Variants in RNPEP observed in about 807,000 individuals in gnomAD.
The protein encoded by RNPEP is arginyl aminopeptidase, also known as aminopeptidase B.
In RNPEP, 57 loss-of-function variants were observed where a neutral mutation model predicts 70.1. That is an observed-to-expected ratio of 0.81 (90% CI 0.66 to 1.01). RNPEP has a LOEUF of 1.01. Among genes scored for constraint, RNPEP ranks in the 50% least tolerant of loss-of-function variants. RNPEP has a pLI of 0.00. For synonymous variants in RNPEP, 335 were observed against 357.4 expected (o/e 0.94, Z 0.71); for missense variants, 787 against 852.4 (o/e 0.92, Z 0.96).
intron 3 of RNPEP, among the ~76,000 whole-genome samples, chr1:201,993,823 C>G (rs955287436): frequency 6.6e-5 from 10 of 152,100 alleles, no homozygotes; most frequent in African/African-American, 2.4e-4. Flanking sequence ...TCCATATTCT[C>G]TTCTGGCACG....
rs772103009 is a variant in RNPEP, at chr1:202,001,468, C to A, written c.1297C>A (p.Gln433Lys). 14 of 1,611,526 alleles carry A rather than the reference C, an allele frequency of 8.7e-6. No homozygotes were observed. The highest frequency in any genetic ancestry group is 1.7e-5 in the Admixed American group (1 of 59,968). ...YLAHLVGDQD[Q>K]FDSFLKAYVH... is the part of the protein sequence containing the mutation. Reference sequence around the variant, plus strand: ...GGCCCACTTGGTGGGTGATCAGGATCAGTTTGACAGTTTTCTCAAGGTATA... The same window carrying A: ...GGCCCACTTGGTGGGTGATCAGGATAAGTTTGACAGTTTTCTCAAGGTATA... The change falls in exon 7 of 11, where the codon CAG becomes AAG. Residue 433 changes from glutamine (Q) to lysine (K), a missense_variant. By Grantham distance (53) the Gln-to-Lys change is moderately conservative. Transcript: ENST00000295640.
chr1:201,983,752 T>G, intron 1 of RNPEP: 1 of 1,113,084 alleles, frequency 9.0e-7, no homozygotes. Flanking sequence ...CACTGTTGGT[T>G]AACTCTTTAA....
intron 1 of RNPEP, among the ~76,000 whole-genome samples, chr1:201,987,144 A>G (rs912436683): frequency 6.6e-6 from 1 of 152,102 alleles, no homozygotes; most frequent in Non-Finnish European, 1.5e-5. Flanking sequence ...CCAACTCTGC[A>G]TCTGGAGCCT....
intron 8 of RNPEP, chr1:202,003,019 C>T (rs1271323493): frequency 7.6e-6 from 4 of 529,152 alleles, no homozygotes; most frequent in South Asian, 4.9e-5. Context: ...TAATTTGGAG[C>T]GAAAAGCACT....
At chr1:201,986,650 C>T (rs1352682380) in intron 1 of RNPEP, among the ~76,000 whole-genome samples, 2 of 151,500 alleles carry the variant, frequency 1.3e-5, no homozygotes, top group African/African-American at 4.9e-5. Context: ...AAGCGATTCT[C>T]CTCCCTCAGC....
At chr1:201,996,465 TTGTGTGTGTGTG>T (rs71281164) in intron 4 of RNPEP, 3,181 of 233,074 alleles carry the variant, frequency 0.014, 68 homozygotes, top group African/African-American at 0.068. Flanking sequence ...ATGAGGTTCT[TTGTGTGTGTGTG>T]TGTGTGTGTG....
intron 3 of RNPEP, among the ~76,000 whole-genome samples, chr1:201,991,970 C>G (rs933070104): frequency 6.6e-6 from 1 of 152,168 alleles, no homozygotes; most frequent in Non-Finnish European, 1.5e-5. Context: ...GGCGACTTTT[C>G]TCTCCTAACA....
chr1:201,998,711 T>C (rs1369418675), intron 5 of RNPEP, among the ~76,000 whole-genome samples: 1 of 152,146 alleles, frequency 6.6e-6, no homozygotes, highest in Non-Finnish European at 1.5e-5. Context: ...TTTATCCCAT[T>C]GTACAGTTGA....
chr1:201,990,445 T>G (rs1683287516), intron 3 of RNPEP, among the ~76,000 whole-genome samples: 1 of 150,826 alleles, frequency 6.6e-6, no homozygotes, highest in Non-Finnish European at 1.5e-5. Context: ...GAGTATAGGT[T>G]TTTCCTGGCT....
At chr1:202,003,726 A>G (rs149973418) in intron 9 of RNPEP, among the ~76,000 whole-genome samples, 1,582 of 152,306 alleles carry the variant, frequency 0.01, 12 homozygotes, top group Non-Finnish European at 0.017. Context: ...AAAGTCACAA[A>G]GCCTGGCATT....
chr1:201,982,874 C>T lies in RNPEP; in HGVS notation c.208C>T (p.Leu70=). ...SGTAVLDLRC[L]EPEGAAELRL... is the part of the protein sequence containing the mutation. ...CACCGCGGTCCTGGACCTGCGCTGC[C>T]TGGAGCCCGAGGGCGCCGCCGAGCT... Residue 70 remains leucine, a synonymous_variant, in exon 1 of 11, where the codon CTG becomes TTG. Coordinates refer to ENST00000295640, the MANE Select transcript of RNPEP (RefSeq NM_020216.4). 1.4e-6 allele frequency: 2 copies of T among 1,401,734 alleles called. No individual in the cohort carries two copies. The highest frequency in any genetic ancestry group is 1.8e-6 in the Non-Finnish European group (2 of 1,083,978). 86.8% of individuals were successfully genotyped at this position (1,401,734 alleles called of 1,614,324 possible). A position where few individuals can be genotyped will look rare whatever the true frequency, so the allele number is the denominator to read the frequency against.
Position 201,997,389 on chromosome 1 carries a change from A to G in RNPEP, c.925A>G (p.Thr309Ala), listed in dbSNP as rs768427130. The G allele has an allele frequency of 8.1e-6, 13 of 1,613,650 alleles. No homozygotes were observed. In the South Asian group the frequency reaches 1.4e-4, roughly 18 times the overall value. ...GGAGAACCCTTGTCTGACCTTTGTC[A>G]CCCCCTGCCTGCTAGCTGGGGACCG... is the stretch of plus-strand genomic sequence containing the variant. The part of the protein sequence containing the change: ...GMENPCLTFV[T>A]PCLLAGDRSL... The change falls in exon 5 of 11, where the codon ACC becomes GCC. Residue 309 changes from threonine (T) to alanine (A), a missense_variant. Physicochemically the swap from Thr to Ala is moderately conservative, Grantham distance 58 (BLOSUM62 0). Transcript: ENST00000295640.
chr1:201,998,230 C>CTTTTTTTTTTTTTTTTTTTTTTTT (rs34549362), intron 5 of RNPEP, among the ~76,000 whole-genome samples: 1 of 116,680 alleles, frequency 8.6e-6, no homozygotes. Context: ...TGGGTCTGAA[C>CTTTTTTTTTTTTTTTTTTTTTTTT]TTTTTTTTTT....
chr1:201,987,792 C>G (rs1045943439), intron 1 of RNPEP, among the ~76,000 whole-genome samples: 2 of 151,658 alleles, frequency 1.3e-5, no homozygotes, highest in African/African-American at 4.8e-5. Flanking sequence ...ATCATATAAC[C>G]AGTGCCTATT....
intron 1 of RNPEP, chr1:201,983,955 C>A: frequency 1.2e-6 from 1 of 836,024 alleles, no homozygotes; most frequent in Non-Finnish European, 1.4e-6. Context: ...TTATTTGAGG[C>A]AGAGTCTCAC....
In RNPEP at chr1:202,000,027, T is replaced by A; in HGVS notation, c.1204+12T>A. Reference sequence around the variant, plus strand: ...GAAGATTGAACCAGGTCCAGGAGGCTCCTCTGTCTGACACCCACTCCCCTC... The same window carrying A: ...GAAGATTGAACCAGGTCCAGGAGGCACCTCTGTCTGACACCCACTCCCCTC... On this transcript the variant is annotated intron_variant, in intron 6 of 10. Transcript: ENST00000295640. 1 of 1,599,120 alleles carries A rather than the reference T, an allele frequency of 6.3e-7. No individual in the cohort carries two copies. Among genetic ancestry groups the A allele is most frequent in the Non-Finnish European group, 8.6e-7 (1 of 1,167,786 alleles).
At position 201,999,786 on chromosome 1, in the gene RNPEP, A is replaced by G. The variant is rs1266419460; in HGVS notation, c.1091-116A>G. 3 of 736,008 alleles carry G rather than the reference A, an allele frequency of 4.1e-6. No homozygotes were observed. In the East Asian group the frequency reaches 8.2e-5, roughly 20 times the overall value. 45.6% of individuals were successfully genotyped at this position (736,008 alleles called of 1,614,324 possible). A position where few individuals can be genotyped will look rare whatever the true frequency, so the allele number is the denominator to read the frequency against. Reference sequence around the variant, plus strand: ...AGGGTAATGTTATTAAGCTTCAGGTATCTGTCGCTGTTCTTCTTGAGGCCA... The same window carrying G: ...AGGGTAATGTTATTAAGCTTCAGGTGTCTGTCGCTGTTCTTCTTGAGGCCA... On this transcript the variant is annotated intron_variant, in intron 5 of 10. Coordinates refer to ENST00000295640, the MANE Select transcript of RNPEP (RefSeq NM_020216.4).
chr1:201,982,650 G>T lies in RNPEP; in HGVS notation c.-17G>T. On this transcript the variant is annotated 5_prime_UTR_variant, in exon 1 of 11. Coordinates refer to ENST00000295640, the MANE Select transcript of RNPEP (RefSeq NM_020216.4). ...CTCGGGTTCGCGGCCCGGCCGGTGA[G>T]CAACGGCTCTGCGGCCATGGCGAGC... 1 of 1,264,316 alleles carries T rather than the reference G, an allele frequency of 7.9e-7. No individual in the cohort carries two copies. 78.3% of individuals were successfully genotyped at this position (1,264,316 alleles called of 1,614,324 possible). A position where few individuals can be genotyped will look rare whatever the true frequency, so the allele number is the denominator to read the frequency against.
chr1:201,985,960 G>A (rs1217562925), intron 1 of RNPEP, among the ~76,000 whole-genome samples: 1 of 152,122 alleles, frequency 6.6e-6, no homozygotes, highest in African/African-American at 2.4e-5. Flanking sequence ...GTCTTGCTCT[G>A]TCATCCAGGC....
Sources: allele counts gnomAD v4.1 joint callset (sites outside exome capture counted in the v4.1 genomes callset), GRCh38; gene constraint gnomAD v4.1.1; transcripts MANE v1.5; gene names NCBI Gene and HGNC (gene_info 2026-07-23, HGNC 2026-07-21).